CSNK1D: variants seen among roughly 807,000 people sequenced by gnomAD.
The protein encoded by CSNK1D is casein kinase I isoform delta.
In CSNK1D, 16 loss-of-function variants were observed where a neutral mutation model predicts 46.6. The ratio of observed to expected loss-of-function variants is 0.34; its 90% CI spans 0.23 to 0.52. The LOEUF is 0.52. Ranked by LOEUF, CSNK1D falls within the 20% of genes least tolerant of loss-of-function variation. The probability of loss-of-function intolerance (pLI) is 0.95; values close to 1 mark genes in which losing one functional copy is unlikely to be tolerated. For missense variants in CSNK1D, 398 were observed against 578.4 expected (o/e 0.69, Z 3.20); for synonymous variants, 276 against 228.2 (o/e 1.21, Z -1.89).
chr17:82,272,932 G>GGCCCGCCTCCCCAC (rs1312874664), intron 1 of CSNK1D, among the ~76,000 whole-genome samples: 1 of 28,702 alleles, frequency 3.5e-5, no homozygotes, highest in Non-Finnish European at 6.8e-5. Context: ...CCCTCCCCCA[G>GGCCCGCCTCCCCAC]GCCCGCCTCC....
Position 82,253,256 on chromosome 17 carries a change from G to A in CSNK1D, c.337-12C>T. 6.2e-7 allele frequency: 1 copy of A among 1,611,124 alleles called. No homozygotes were observed. Among genetic ancestry groups the A allele is most frequent in the Non-Finnish European group, 8.5e-7 (1 of 1,177,356 alleles). On this transcript the variant is annotated splice_polypyrimidine_tract_variant and intron_variant, in intron 3 of 8. Coordinates refer to ENST00000314028, the MANE Select transcript of CSNK1D (RefSeq NM_001893.6). ...TCGATGCGACTGATCTGTGAGCAGA[G>A]CAAGGGCGCGAGATGGCACCCCAGG...
chr17:82,268,258 C>T (rs1206506642), intron 1 of CSNK1D, among the ~76,000 whole-genome samples: 2 of 152,246 alleles, frequency 1.3e-5, no homozygotes, highest in African/African-American at 4.8e-5. Context: ...AAGGCACCAC[C>T]TGCCTCAAGG....
In CSNK1D at chr17:82,243,171, G is replaced by A; in HGVS notation, c.*1610C>T. On this transcript the variant is annotated 3_prime_UTR_variant, in exon 9 of 9. Transcript: ENST00000314028. ...ATTGAGAAAGCATCCATGGGCTCAG[G>A]CAGACGGCCAGCCAGCTGGTGGGGG... 1.0e-6 allele frequency: 1 copy of A among 985,632 alleles called. No individual in the cohort carries two copies. The highest frequency in any genetic ancestry group is 1.2e-6 in the Non-Finnish European group (1 of 830,090). The allele number at this position is 985,632 out of a possible 1,614,324, so 61.1% of individuals were successfully genotyped here.
At position 82,273,397 on chromosome 17, in the gene CSNK1D, A is replaced by C; in HGVS notation, c.-16T>G. The C allele has an allele frequency of 6.2e-7, 1 of 1,610,070 alleles. No individual in the cohort carries two copies. Among genetic ancestry groups the C allele is most frequent in the Non-Finnish European group, 8.5e-7 (1 of 1,179,162 alleles). Reference sequence around the variant, plus strand: ...TCAGCTCCATGGCGGCGGCGGCCCGATTCGCTCCTGCCCTCCCGGCCGCTT... The same window carrying C: ...TCAGCTCCATGGCGGCGGCGGCCCGCTTCGCTCCTGCCCTCCCGGCCGCTT... On this transcript the variant is annotated 5_prime_UTR_variant, in exon 1 of 9. Transcript: ENST00000314028. This position sits in a 1 kb window ranked among gnomAD's most constrained non-coding sequence, Gnocchi z 5.1.
At chr17:82,258,274 T>C (rs1247213451) in intron 2 of CSNK1D, among the ~76,000 whole-genome samples, 3 of 150,482 alleles carry the variant, frequency 2.0e-5, no homozygotes, top group Non-Finnish European at 4.4e-5. Context: ...GTTTCGGTCT[T>C]TTATATATAT....
At chr17:82,260,069 CTGA>C (rs2051287081) in intron 2 of CSNK1D, among the ~76,000 whole-genome samples, 1 of 137,612 alleles carries the variant, frequency 7.3e-6, no homozygotes, top group African/African-American at 3.3e-5. Flanking sequence ...ACTGATGTGA[CTGA>C]TGGTGTACTG....
In CSNK1D at chr17:82,270,381, C is replaced by G. The variant is rs149383788; in HGVS notation, c.76+2925G>C. ...AAACATCTGAAAGCACAGAAAGTCC[C>G]CGGTAGAAAAACAAGAACCCAAAAG... On this transcript the variant is annotated intron_variant, in intron 1 of 8. Coordinates refer to ENST00000314028, the MANE Select transcript of CSNK1D (RefSeq NM_001893.6). 3.3e-3 allele frequency among the ~76,000 whole-genome samples: 503 copies of G among 152,242 alleles called. 9 individuals carry two copies. The highest frequency in any genetic ancestry group is 4.3e-3 in the Non-Finnish European group (291 of 68,018).
rs557615079 is a variant in CSNK1D at position 82,249,230 on chromosome 17, C to T, written c.1057+201G>A. The T allele has an allele frequency of 1.8e-5, 14 of 759,530 alleles. No individual in the cohort carries two copies. The highest frequency in any genetic ancestry group is 3.7e-5 in the South Asian group (2 of 54,736). 47.0% of individuals were successfully genotyped at this position (759,530 alleles called of 1,614,324 possible). ...GCTCACAGGGGAGGAACGTGAGATG[C>T]GGGAGGAATCACGCACACCAGCAGG... On this transcript the variant is annotated intron_variant, in intron 7 of 8. Coordinates refer to ENST00000314028, the MANE Select transcript of CSNK1D (RefSeq NM_001893.6). The surrounding 1 kb of genome is among the most constrained non-coding windows in gnomAD (Gnocchi z 6.7).
intron 8 of CSNK1D, chr17:82,246,139 TCCACAGACCGACAGGTG>T: frequency 6.5e-7 from 1 of 1,547,868 alleles, no homozygotes; most frequent in Middle Eastern, 1.7e-4. Flanking sequence ...CTCAACCAGG[TCCACAGACCGACAGGTG>T]CCACCTGGGG....
Position 82,243,878 on chromosome 17 carries a change from C to T in CSNK1D, c.*903G>A, listed in dbSNP as rs1345644355. The T allele has an allele frequency of 1.0e-6, 1 of 985,566 alleles. No homozygotes were observed. Among genetic ancestry groups the T allele is most frequent in the Non-Finnish European group, 1.2e-6 (1 of 830,090 alleles). 61.1% of individuals were successfully genotyped at this position (985,566 alleles called of 1,614,324 possible). Reference sequence around the variant, plus strand: ...AAGGGACCAGAAACGCATCTTCCACCTTGAATCCTGGGACTCCCAATTGTC... The same window carrying T: ...AAGGGACCAGAAACGCATCTTCCACTTTGAATCCTGGGACTCCCAATTGTC... On this transcript the variant is annotated 3_prime_UTR_variant, in exon 9 of 9. Coordinates refer to ENST00000314028, the MANE Select transcript of CSNK1D (RefSeq NM_001893.6).
At chr17:82,242,214 G>GT (rs1019236616), downstream of CSNK1D, among the ~76,000 whole-genome samples, 1 of 120,848 alleles carries the variant, frequency 8.3e-6, no homozygotes, top group African/African-American at 4.7e-5. Flanking sequence ...GTGTGCTCTG[G>GT]GGGGGGGGGG....
intron 1 of CSNK1D, among the ~76,000 whole-genome samples, chr17:82,268,965 T>C (rs1009149372): frequency 6.6e-6 from 1 of 151,518 alleles, no homozygotes; most frequent in Non-Finnish European, 1.5e-5. Context: ...GGCATGCTGG[T>C]GTGCGCCTCT....
At chr17:82,271,324 C>G (rs1381159288) in intron 1 of CSNK1D, among the ~76,000 whole-genome samples, 1 of 152,220 alleles carries the variant, frequency 6.6e-6, no homozygotes, top group East Asian at 1.9e-4. Flanking sequence ...CCCACCTCAG[C>G]TTCCCAAAGT....
In CSNK1D at chr17:82,242,670, G is replaced by A. The variant is rs548277065; in HGVS notation, c.*2111C>T. On this transcript the variant is annotated 3_prime_UTR_variant, in exon 9 of 9. Transcript: ENST00000314028. ...CCACATGGAAAGGGGAGGGAAGAAA[G>A]GTAGAAGTCATTATGAATTTATTAT... 13 of 985,382 alleles carry A rather than the reference G, an allele frequency of 1.3e-5. No homozygotes were observed. Among genetic ancestry groups the A allele is most frequent in the South Asian group, 9.4e-5 (2 of 21,296 alleles). The allele number at this position is 985,382 out of a possible 1,614,324, so 61.0% of individuals were successfully genotyped here.
chr17:82,242,404 C>A (rs1350091758), downstream of CSNK1D, among the ~76,000 whole-genome samples: 8 of 152,318 alleles, frequency 5.3e-5, no homozygotes, highest in Non-Finnish European at 1.0e-4. Context: ...CAGGGACTCT[C>A]CAGAACCGTC....
Position 82,243,987 on chromosome 17 carries a change from G to GT in CSNK1D, c.*793dup, listed in dbSNP as rs2050788321. The GT allele has an allele frequency of 2.0e-6, 2 of 986,446 alleles. No individual in the cohort carries two copies. Among genetic ancestry groups the GT allele is most frequent in the African/African-American group, 3.5e-5 (2 of 57,216 alleles). The allele number at this position is 986,446 out of a possible 1,614,324, so 61.1% of individuals were successfully genotyped here. On this transcript the variant is annotated 3_prime_UTR_variant, in exon 9 of 9. Coordinates refer to ENST00000314028, the MANE Select transcript of CSNK1D (RefSeq NM_001893.6). Reference sequence around the variant, plus strand: ...GAAGAAGCGCGCAGTGCTTTGCCTGGTAACACCCACTGCACCCCTGCCCCG... The same window carrying GT: ...GAAGAAGCGCGCAGTGCTTTGCCTGGTTAACACCCACTGCACCCCTGCCCCG...
Position 82,251,993 on chromosome 17 carries a change from TA to T in CSNK1D, c.736+440del, listed in dbSNP as rs879446672. 0.1 allele frequency: 25,693 copies of T among 247,196 alleles called. No individual in the cohort carries two copies. The highest frequency in any genetic ancestry group is 0.2 in the South Asian group (4,644 of 23,210). 15.3% of individuals were successfully genotyped at this position (247,196 alleles called of 1,614,324 possible). ...TTGGCGACAGAGTGAGACTGTGTCT[TA>T]AAAAAAAAAAAGAAGTCATAAAGCA... On this transcript the variant is annotated intron_variant, in intron 5 of 8. Coordinates refer to ENST00000314028, the MANE Select transcript of CSNK1D (RefSeq NM_001893.6). The surrounding 1 kb of genome is among the most constrained non-coding windows in gnomAD (Gnocchi z 4.5).
At chr17:82,254,867 G>A (rs2051128198) in intron 3 of CSNK1D, among the ~76,000 whole-genome samples, 1 of 132,244 alleles carries the variant, frequency 7.6e-6, no homozygotes, top group African/African-American at 2.9e-5. Context: ...AGTGTGCTGA[G>A]CCGCCGGGGG....
chr17:82,242,924 A>G lies in CSNK1D; in HGVS notation c.*1857T>C. 1.0e-6 allele frequency: 1 copy of G among 985,426 alleles called. No homozygotes were observed. Among genetic ancestry groups the G allele is most frequent in the Non-Finnish European group, 1.2e-6 (1 of 829,928 alleles). 61.0% of individuals were successfully genotyped at this position (985,426 alleles called of 1,614,324 possible). A position where few individuals can be genotyped will look rare whatever the true frequency, so the allele number is the denominator to read the frequency against. ...CTCGCACAAACGTTCTGGGCACTAC[A>G]TCGGGACCACAGATATTTACAAAGC... On this transcript the variant is annotated 3_prime_UTR_variant, in exon 9 of 9. Coordinates refer to ENST00000314028, the MANE Select transcript of CSNK1D (RefSeq NM_001893.6).
Sources: gnomAD v4.1 joint callset for allele counts (sites outside exome capture counted in the v4.1 genomes callset) on GRCh38, gnomAD v4.1.1 for gene constraint, Gnocchi (gnomAD v3.1) non-coding constraint, MANE v1.5 for transcripts, NCBI Gene and HGNC (gene_info 2026-07-23, HGNC 2026-07-21) for gene names.